Variants in MUSK observed in about 807,000 individuals in gnomAD.
MUSK encodes muscle, skeletal receptor tyrosine-protein kinase.
A neutral mutation model predicts 88.7 loss-of-function variants in MUSK; 55 were observed. That is an observed-to-expected ratio of 0.62 (90% CI 0.50 to 0.78). MUSK has a LOEUF of 0.78. Among genes scored for constraint, MUSK ranks in the 30% least tolerant of loss-of-function variants. MUSK has a pLI of 0.00. For missense variants in MUSK, 1,015 were observed against 1,074.3 expected (o/e 0.94, Z 0.77); for synonymous variants, 387 against 391.9 (o/e 0.99, Z 0.15).
At chr9:110,694,683 T>C (rs1315578887) in intron 3 of MUSK, among the ~76,000 whole-genome samples, 2 of 152,210 alleles carry the variant, frequency 1.3e-5, no homozygotes, top group African/African-American at 4.8e-5. Flanking sequence ...ATTTTACGAA[T>C]AGTACTAAAA....
intron 5 of MUSK, among the ~76,000 whole-genome samples, chr9:110,722,477 C>T (rs2131807757): frequency 6.6e-6 from 1 of 151,842 alleles, no homozygotes; most frequent in Non-Finnish European, 1.5e-5. Flanking sequence ...TTGCAGTGAT[C>T]CTAGATAGTG....
intron 5 of MUSK, among the ~76,000 whole-genome samples, chr9:110,707,388 A>G (rs955199139): frequency 2.6e-5 from 4 of 152,080 alleles, no homozygotes; most frequent in African/African-American, 9.7e-5. Flanking sequence ...CTTAACTAAG[A>G]TTTTTTAAAA....
chr9:110,739,805 G>C (rs1181244604), intron 6 of MUSK, among the ~76,000 whole-genome samples: 1 of 152,124 alleles, frequency 6.6e-6, no homozygotes, highest in African/African-American at 2.4e-5. Flanking sequence ...CAGTCCTTTG[G>C]GTGGATTGAG....
chr9:110,737,127 T>A lies in MUSK; in HGVS notation c.753+2752T>A, dbSNP rs114805192. ...CTTAGTTTGTTACATCTGTTAAAAA[T>A]TTTTTTTTCAAAATTTTAATTTTCT... On this transcript the variant is annotated intron_variant, in intron 6 of 14. Coordinates refer to ENST00000374448, the MANE Select transcript of MUSK (RefSeq NM_005592.4). 8.6e-3 allele frequency among the ~76,000 whole-genome samples: 1,302 copies of A among 151,644 alleles called. 9 individuals are homozygous for A. Among genetic ancestry groups the A allele is most frequent in the South Asian group, 0.019 (92 of 4,810 alleles).
intron 5 of MUSK, among the ~76,000 whole-genome samples, chr9:110,710,335 T>A (rs935440566): frequency 2.0e-5 from 3 of 152,168 alleles, no homozygotes; most frequent in Admixed American, 2.0e-4. Flanking sequence ...GGTAATATTA[T>A]CTAGAACACA....
Position 110,687,118 on chromosome 9 carries a change from C to T in MUSK, c.208C>T (p.Leu70Phe), listed in dbSNP as rs2076206441. The T allele has an allele frequency of 6.2e-7, 1 of 1,612,202 alleles. No homozygotes were observed. Among genetic ancestry groups the T allele is most frequent in the Non-Finnish European group, 8.5e-7 (1 of 1,178,852 alleles). Reference sequence around the variant, plus strand: ...GTCATTTTTTTCTGTGACCTGCAGACTCTTTGACACCCGGTACAGCATCCG... The same window carrying T: ...GTCATTTTTTTCTGTGACCTGCAGATTCTTTGACACCCGGTACAGCATCCG... Reference protein sequence around the residue: ...SWTRNKILIKLFDTRYSIREN... With the variant: ...SWTRNKILIKFFDTRYSIREN... The change falls in exon 3 of 15, where the codon CTC (leucine) becomes TTC (phenylalanine). Residue 70 changes from leucine (L) to phenylalanine (F), a missense_variant and splice_region_variant. Physicochemically the swap from Leu to Phe is conservative, Grantham distance 22. Transcript: ENST00000374448.
intron 11 of MUSK, among the ~76,000 whole-genome samples, chr9:110,778,784 A>G (rs2077707490): frequency 6.6e-6 from 1 of 152,106 alleles, no homozygotes; most frequent in Non-Finnish European, 1.5e-5. Context: ...AAAAAATTCC[A>G]AGACCTCATG....
At chr9:110,715,163 T>A (rs1035856177) in intron 5 of MUSK, among the ~76,000 whole-genome samples, 5 of 149,826 alleles carry the variant, frequency 3.3e-5, no homozygotes, top group Non-Finnish European at 5.9e-5. Flanking sequence ...CAGAAAGATA[T>A]CCTAGAGATC....
At chr9:110,680,770 T>C (rs938068938) in intron 1 of MUSK, among the ~76,000 whole-genome samples, 1 of 150,154 alleles carries the variant, frequency 6.7e-6, no homozygotes, top group African/African-American at 2.4e-5. Flanking sequence ...TTTTGAAAAA[T>C]TATCAGCCAT....
intron 7 of MUSK, chr9:110,748,121 C>T (rs2077199786): frequency 4.7e-6 from 2 of 425,050 alleles, no homozygotes; most frequent in African/African-American, 4.0e-5. Context: ...TCCTTCCCTC[C>T]CTCGCTCCCT....
At chr9:110,719,798 A>T (rs548198303) in intron 5 of MUSK, among the ~76,000 whole-genome samples, 2 of 152,266 alleles carry the variant, frequency 1.3e-5, no homozygotes, top group Non-Finnish European at 2.9e-5. Context: ...CATTGTAATC[A>T]TCAGCACATG....
intron 7 of MUSK, among the ~76,000 whole-genome samples, chr9:110,755,448 T>A (rs1320182820): frequency 6.6e-6 from 1 of 152,228 alleles, no homozygotes; most frequent in Admixed American, 6.5e-5. Flanking sequence ...ACCTGACAGG[T>A]ACACAGAGAA....
At chr9:110,761,662 C>T (rs1453913345) in intron 7 of MUSK, among the ~76,000 whole-genome samples, 1 of 150,624 alleles carries the variant, frequency 6.6e-6, no homozygotes, top group Admixed American at 6.6e-5. Context: ...CAGGCTCCGC[C>T]CCCCGGGGGT....
At chr9:110,755,975 T>TAC (rs1484018220) in intron 7 of MUSK, among the ~76,000 whole-genome samples, 82 of 82,094 alleles carry the variant, frequency 1.0e-3, no homozygotes, top group African/African-American at 1.8e-3. Context: ...CATATATATA[T>TAC]ATACATATAT....
Position 110,682,691 on chromosome 9 carries a change from C to T in MUSK, c.97C>T (p.Pro33Ser). ...CCTTTCAGCTCCTGTCATCACCACT[C>T]CTCTTGAAACAGTGGATGCCTTAGT... ...KLPKAPVITT[P>S]LETVDALVEE... is the part of the protein sequence containing the mutation. Residue 33 changes from proline to serine, a missense_variant, in exon 2 of 15, where the codon CCT (proline) becomes TCT (serine). Pro to Ser is a moderately conservative substitution (Grantham distance 74). Transcript: ENST00000374448. The T allele has an allele frequency of 6.2e-7, 1 of 1,612,402 alleles. No individual in the cohort carries two copies. The highest frequency in any genetic ancestry group is 8.5e-7 in the Non-Finnish European group (1 of 1,178,822).
rs966220339 is a variant in MUSK, at chr9:110,772,149, CTTAA to C, written c.1185-3636_1185-3633del. ...AAATCTTAATTAGATTCTACTCTTT[CTTAA>C]TTGAAATTTCAGAAATTTTTACTAG... On this transcript the variant is annotated intron_variant, in intron 9 of 14. Transcript: ENST00000374448. 3.7e-4 allele frequency among the ~76,000 whole-genome samples: 55 copies of C among 149,228 alleles called. 1 individual carries two copies. The highest frequency in any genetic ancestry group is 7.4e-5 in the Non-Finnish European group (5 of 67,558).
At chr9:110,680,344 T>C (rs1010946419) in intron 1 of MUSK, among the ~76,000 whole-genome samples, 1 of 151,786 alleles carries the variant, frequency 6.6e-6, no homozygotes, top group African/African-American at 2.4e-5. Flanking sequence ...TTTACAGTTT[T>C]AATTCAATGT....
intron 6 of MUSK, among the ~76,000 whole-genome samples, chr9:110,736,508 G>A (rs905911076): frequency 6.6e-6 from 1 of 152,086 alleles, no homozygotes; most frequent in African/African-American, 2.4e-5. Flanking sequence ...GGAGACCAAT[G>A]TGGTTAGTGG....
chr9:110,686,276 T>A (rs975522855), intron 2 of MUSK, among the ~76,000 whole-genome samples: 6 of 152,116 alleles, frequency 3.9e-5, no homozygotes, highest in African/African-American at 1.2e-4. Context: ...CTCTCTTCCA[T>A]CTTTTAAGGA....
Sources: gnomAD v4.1 joint callset for allele counts (sites outside exome capture counted in the v4.1 genomes callset) on GRCh38, gnomAD v4.1.1 for gene constraint, MANE v1.5 for transcripts, NCBI Gene and HGNC (gene_info 2026-07-23, HGNC 2026-07-21) for gene names.